Variants in MATR3 observed in about 807,000 individuals in gnomAD.
The protein encoded by MATR3 is matrin-3.
MATR3 carries 4 observed loss-of-function variants against 85.5 expected under a neutral mutation model. That is an observed-to-expected ratio of 0.05 (90% CI 0.02 to 0.11). MATR3 has a LOEUF of 0.11. MATR3 is among the 10% of genes least tolerant of loss of function. The pLI is 1.00. For synonymous variants in MATR3, 336 were observed against 343.1 expected (o/e 0.98, Z 0.23); for missense variants, 685 against 1,016.1 (o/e 0.67, Z 4.43).
chr5:139,315,197 G>A (rs557458975), intron 3 of MATR3: 12 of 202,428 alleles, frequency 5.9e-5, no homozygotes, highest in Non-Finnish European at 1.2e-4. Context: ...AGTTCAGGCT[G>A]CTACCATGAA....
intron 2 of MATR3, chr5:139,311,931 C>T (rs777344645): frequency 5.3e-5 from 8 of 151,716 alleles, no homozygotes; most frequent in Non-Finnish European, 1.2e-4. Flanking sequence ...CCATGCCCAG[C>T]TAATTTTTTT....
chr5:139,327,068 A>G (rs1316652915), intron 14 of MATR3, among the ~76,000 whole-genome samples: 1 of 152,242 alleles, frequency 6.6e-6, no homozygotes, highest in Non-Finnish European at 1.5e-5. Flanking sequence ...CTATTGAGAT[A>G]TATTGAAATT....
intron 3 of MATR3, chr5:139,279,171 A>G (rs2151862567): frequency 4.4e-6 from 2 of 454,002 alleles, no homozygotes; most frequent in Admixed American, 2.3e-5. Context: ...TTAAATTACT[A>G]TAGCTCAGAT....
intron 2 of MATR3, chr5:139,311,660 C>G (rs1754980013): frequency 6.7e-6 from 1 of 148,988 alleles, no homozygotes; most frequent in Non-Finnish European, 1.5e-5. Context: ...ATTTATTTCT[C>G]TCCCACAACT....
At chr5:139,324,335 C>G (rs1025197697) in intron 12 of MATR3, among the ~76,000 whole-genome samples, 1 of 144,266 alleles carries the variant, frequency 6.9e-6, no homozygotes, top group Non-Finnish European at 1.5e-5. Context: ...GCTCTGTTGC[C>G]CAGGCTGGAG....
intron 1 of MATR3, among the ~76,000 whole-genome samples, chr5:139,306,187 G>T (rs80213298): frequency 3.3e-5 from 5 of 152,232 alleles, no homozygotes; most frequent in African/African-American, 1.2e-4. Flanking sequence ...TGATATAAAA[G>T]ATTTGGAAAT....
intron 3 of MATR3, among the ~76,000 whole-genome samples, chr5:139,286,561 T>C (rs1176619356): frequency 1.3e-5 from 2 of 150,996 alleles, no homozygotes; most frequent in Non-Finnish European, 3.0e-5. Flanking sequence ...TAATGGTACG[T>C]TGGCCAGGCA....
upstream of MATR3, chr5:139,292,141 T>A (rs1753895140): frequency 6.6e-6 from 1 of 151,522 alleles, no homozygotes; most frequent in Non-Finnish European, 1.5e-5. Context: ...ATTATTATTT[T>A]AGTAGAGACG....
chr5:139,325,462 A>G lies in MATR3; in HGVS notation c.2171A>G (p.Asp724Gly), dbSNP rs1235948155. Reference sequence around the variant, plus strand: ...AAGGTGGACAAGATCGAGGAACTTGATCAAGAAAACGAAGCAGCGTTGGAA... The same window carrying G: ...AAGGTGGACAAGATCGAGGAACTTGGTCAAGAAAACGAAGCAGCGTTGGAA... Reference protein sequence around the residue: ...LKKVDKIEELDQENEAALENG... With the variant: ...LKKVDKIEELGQENEAALENG... The change falls in exon 13 of 15, where the codon GAT (aspartate) becomes GGT (glycine). Residue 724 changes from aspartate (D) to glycine (G), a missense_variant. By Grantham distance (94) the Asp-to-Gly change is moderately conservative. Transcript: ENST00000394805. 5 of 1,614,212 alleles carry G rather than the reference A, an allele frequency of 3.1e-6. No individual in the cohort carries two copies. Among genetic ancestry groups the G allele is most frequent in the Middle Eastern group, 1.6e-4 (1 of 6,062 alleles).
At chr5:139,321,780 C>G (rs988758825) in intron 9 of MATR3, 118 bp from the exon 10 acceptor site, 1 of 841,296 alleles carries the variant, frequency 1.2e-6, no homozygotes, top group East Asian at 2.7e-5. Flanking sequence ...GAGACCCTGT[C>G]TCAAAAAAGA....
intron 2 of MATR3, chr5:139,278,246 TATAC>T (rs1041538715): frequency 5.8e-5 from 25 of 427,772 alleles, no homozygotes; most frequent in South Asian, 3.0e-4. Context: ...TATATATATA[TATAC>T]ACACACACAC....
chr5:139,317,749 A>T, intron 7 of MATR3, 28 bp downstream of exon 7: 1 of 1,526,268 alleles, frequency 6.6e-7, no homozygotes, highest in Non-Finnish European at 9.0e-7. Flanking sequence ...GGTATTATTC[A>T]TTTATTCATG....
At chr5:139,319,120 G>A in intron 8 of MATR3, 87 bp downstream of exon 8, 1 of 1,457,782 alleles carries the variant, frequency 6.9e-7, no homozygotes, top group Non-Finnish European at 9.5e-7. Context: ...TTATTGCTAA[G>A]GCCAGGTGTG....
chr5:139,319,966 A>T, intron 9 of MATR3, among the ~76,000 whole-genome samples: 1 of 120,200 alleles, frequency 8.3e-6, no homozygotes. Context: ...TTTTTTTGAG[A>T]CAGGGTCTCA....
At chr5:139,305,762 C>T (rs546871161) in intron 1 of MATR3, among the ~76,000 whole-genome samples, 2 of 152,214 alleles carry the variant, frequency 1.3e-5, no homozygotes, top group Admixed American at 1.3e-4. Flanking sequence ...TCTTGGTGTG[C>T]AAAAACATCT....
At chr5:139,299,180 G>C (rs763836273) in intron 1 of MATR3, among the ~76,000 whole-genome samples, 6 of 152,136 alleles carry the variant, frequency 3.9e-5, no homozygotes, top group Non-Finnish European at 2.9e-5. Flanking sequence ...TGATTAAAAG[G>C]GGATGCTGGG....
chr5:139,313,494 A>C (rs1755098376), intron 2 of MATR3: 1 of 152,184 alleles, frequency 6.6e-6, no homozygotes, highest in Admixed American at 6.5e-5. Flanking sequence ...TTGGGAGTGA[A>C]CCTAGGCAGT....
intron 12 of MATR3, among the ~76,000 whole-genome samples, chr5:139,323,646 G>C (rs768657465): frequency 1.3e-5 from 2 of 152,106 alleles, no homozygotes; most frequent in Admixed American, 6.6e-5. Flanking sequence ...AGTGGCTCAC[G>C]CCTGTAATCC....
chr5:139,329,150 A>G (rs1233857005), intron 14 of MATR3, among the ~76,000 whole-genome samples, 195 bp from the exon 15 acceptor site: 1 of 152,020 alleles, frequency 6.6e-6, no homozygotes, highest in African/African-American at 2.4e-5. Flanking sequence ...ACCTTTTACC[A>G]TTTTTTCCCC....
Sources: gnomAD v4.1 joint callset for allele counts (sites outside exome capture counted in the v4.1 genomes callset) on GRCh38, gnomAD v4.1.1 for gene constraint, MANE v1.5 for transcripts, NCBI Gene and HGNC (gene_info 2026-07-23, HGNC 2026-07-21) for gene names.